Variants in BCAS3 observed in about 807,000 individuals in gnomAD.
The protein encoded by BCAS3 is BCAS3 microtubule associated cell migration factor.
BCAS3 carries 53 observed loss-of-function variants against 116.1 expected under a neutral mutation model. That is an observed-to-expected ratio of 0.46 (90% CI 0.37 to 0.57). The LOEUF (loss-of-function observed/expected upper bound fraction) is 0.57, where lower values mean the gene tolerates loss of function less well. Ranked by LOEUF, BCAS3 falls within the 20% of genes least tolerant of loss-of-function variation. The pLI is 0.00. For synonymous variants in BCAS3, 391 were observed against 408.2 expected (o/e 0.96, Z 0.51); for missense variants, 917 against 1,165.4 (o/e 0.79, Z 3.10).
At position 60,684,166 on chromosome 17, in the gene BCAS3, G is replaced by A. The variant is rs186468998; in HGVS notation, c.138+130G>A. The A allele has an allele frequency of 7.4e-5, 57 of 766,472 alleles. 1 individual carries two copies. The East Asian group carries it at 9.2e-4, about 12-fold the overall frequency. The allele number at this position is 766,472 out of a possible 1,614,324, so 47.5% of individuals were successfully genotyped here. On this transcript the variant is annotated intron_variant, in intron 3 of 23. Transcript: ENST00000407086. ...TGATGTTTTAGCATCCTGAGCATTC[G>A]TAGGGTGGGACTACATTATTGTTTA...
At chr17:61,170,464 T>G (rs539009835) in intron 22 of BCAS3, among the ~76,000 whole-genome samples, 98 of 151,874 alleles carry the variant, frequency 6.5e-4, no homozygotes, top group Middle Eastern at 3.4e-3. Flanking sequence ...GGCTAATTTT[T>G]TGTAGTTTTA....
chr17:60,936,745 G>A (rs1277007981), intron 13 of BCAS3, among the ~76,000 whole-genome samples: 1 of 152,146 alleles, frequency 6.6e-6, no homozygotes, highest in South Asian at 2.1e-4. Context: ...GTTTATTGTA[G>A]ATTCTCGATA....
intron 22 of BCAS3, among the ~76,000 whole-genome samples, chr17:61,176,138 C>CAAAAAAAAA (rs534042215): frequency 4.0e-5 from 2 of 50,026 alleles, no homozygotes; most frequent in African/African-American, 6.6e-5. Flanking sequence ...GACCCTATCT[C>CAAAAAAAAA]AAAAAAAAAA....
At chr17:60,977,981 T>C (rs1243969935) in intron 14 of BCAS3, among the ~76,000 whole-genome samples, 10 of 142,808 alleles carry the variant, frequency 7.0e-5, no homozygotes, top group African/African-American at 3.1e-4. Context: ...TGTGTCTTTA[T>C]AGCAGCATGA....
At position 61,128,382 on chromosome 17, in the gene BCAS3, G is replaced by T; in HGVS notation, c.2425+43818G>T. 1 of 985,396 alleles carries T rather than the reference G, an allele frequency of 1.0e-6. No individual in the cohort carries two copies. Among genetic ancestry groups the T allele is most frequent in the Non-Finnish European group, 1.2e-6 (1 of 829,908 alleles). 61.0% of individuals were successfully genotyped at this position (985,396 alleles called of 1,614,324 possible). On this transcript the variant is annotated intron_variant, in intron 22 of 23. Coordinates refer to ENST00000407086, the MANE Select transcript of BCAS3 (RefSeq NM_017679.5). This position sits in a 1 kb window ranked among gnomAD's most constrained non-coding sequence, Gnocchi z 4.1. ...GTTTGATGTACAGGCTTATTTAAGT[G>T]AAAGGTGGGACACCAGTAGATATAC...
rs2080778449 is a variant in BCAS3, at chr17:61,200,925, C to G, written c.2425+116361C>G. On this transcript the variant is annotated intron_variant, in intron 22 of 23. Coordinates refer to ENST00000407086, the MANE Select transcript of BCAS3 (RefSeq NM_017679.5). The surrounding 1 kb of genome is among the most constrained non-coding windows in gnomAD (Gnocchi z 5.1). ...TAGGATTTTAAAGCCAAGTTAGCAG[C>G]CCTGAGTCAGGACAGGTGTTTATTT... Among the ~76,000 whole-genome samples, 1 of 152,050 alleles carries G rather than the reference C, an allele frequency of 6.6e-6. No individual in the cohort carries two copies. Among genetic ancestry groups the G allele is most frequent in the Admixed American group, 6.6e-5 (1 of 15,264 alleles).
At chr17:60,809,291 AGAGT>A (rs2048576583) in intron 7 of BCAS3, among the ~76,000 whole-genome samples, 1 of 147,244 alleles carries the variant, frequency 6.8e-6, no homozygotes, top group African/African-American at 2.7e-5. Context: ...AAAAAAAGAG[AGAGT>A]TTGTGACTTA....
At chr17:61,236,167 G>A (rs2083042560) in intron 22 of BCAS3, among the ~76,000 whole-genome samples, 1 of 152,180 alleles carries the variant, frequency 6.6e-6, no homozygotes, top group East Asian at 1.9e-4. Flanking sequence ...TCATACGTCA[G>A]AATCCTGGCA....
chr17:60,869,901 A>C (rs1185488755), intron 8 of BCAS3, among the ~76,000 whole-genome samples: 2 of 152,364 alleles, frequency 1.3e-5, no homozygotes, highest in Non-Finnish European at 2.9e-5. Context: ...CTTGTATTTC[A>C]ATTACATAAA....
At position 61,095,098 on chromosome 17, in the gene BCAS3, T is replaced by C. The variant is rs1230469604; in HGVS notation, c.2425+10534T>C. 6.6e-6 allele frequency among the ~76,000 whole-genome samples: 1 copy of C among 152,182 alleles called. No homozygotes were observed. Among genetic ancestry groups the C allele is most frequent in the Non-Finnish European group, 1.5e-5 (1 of 68,042 alleles). Reference sequence around the variant, plus strand: ...CACATTGCAACTAATTTGTTAAGGATCATATCAAGGAAGAATATCCCCAGA... The same window carrying C: ...CACATTGCAACTAATTTGTTAAGGACCATATCAAGGAAGAATATCCCCAGA... On this transcript the variant is annotated intron_variant, in intron 22 of 23. Transcript: ENST00000407086. This position sits in a 1 kb window ranked among gnomAD's most constrained non-coding sequence, Gnocchi z 4.7.
intron 22 of BCAS3, among the ~76,000 whole-genome samples, chr17:61,328,164 A>G (rs1408764759): frequency 6.6e-6 from 1 of 152,192 alleles, no homozygotes; most frequent in Non-Finnish European, 1.5e-5. Flanking sequence ...AGCTTTAAAA[A>G]AAAAACCTTA....
At chr17:60,866,152 A>T (rs557091573) in intron 7 of BCAS3, among the ~76,000 whole-genome samples, 104 of 147,550 alleles carry the variant, frequency 7.0e-4, no homozygotes, top group African/African-American at 2.5e-3. Context: ...TTTTTTTGAG[A>T]CAGAGTTTCA....
intron 14 of BCAS3, among the ~76,000 whole-genome samples, chr17:60,957,567 G>T (rs1036019509): frequency 1.3e-5 from 2 of 152,076 alleles, no homozygotes; most frequent in Non-Finnish European, 2.9e-5. Flanking sequence ...TTTTAGAAGT[G>T]CAATTCAGTG....
chr17:61,221,039 G>C (rs186449657), intron 22 of BCAS3, among the ~76,000 whole-genome samples: 1 of 152,328 alleles, frequency 6.6e-6, no homozygotes, highest in African/African-American at 2.4e-5. Context: ...GGCAGAGCTC[G>C]CAGTGAGCCG....
intron 23 of BCAS3, among the ~76,000 whole-genome samples, chr17:61,370,630 G>T (rs547025704): frequency 1.3e-5 from 2 of 152,136 alleles, no homozygotes; most frequent in Non-Finnish European, 2.9e-5. Flanking sequence ...CTCGTGATCC[G>T]CCTGCCTCGG....
intron 8 of BCAS3, among the ~76,000 whole-genome samples, chr17:60,870,273 C>T (rs191264911): frequency 3.1e-3 from 477 of 152,168 alleles, no homozygotes; most frequent in Non-Finnish European, 4.3e-3. Flanking sequence ...TTCGGGAGCC[C>T]TAGCAAGAGG....
Position 60,848,407 on chromosome 17 carries a change from A to G in BCAS3, c.477-20169A>G, listed in dbSNP as rs188015487. Among the ~76,000 whole-genome samples, 3 of 152,250 alleles carry G rather than the reference A, an allele frequency of 2.0e-5. No individual in the cohort carries two copies. The East Asian group carries it at 5.8e-4, about 29-fold the overall frequency. On this transcript the variant is annotated intron_variant, in intron 7 of 23. Transcript: ENST00000407086. Reference sequence around the variant, plus strand: ...TCTTCATTTGTCTTTTGGATTGTTCATTGCTAGATTTTGCGTGTTGATCCT... The same window carrying G: ...TCTTCATTTGTCTTTTGGATTGTTCGTTGCTAGATTTTGCGTGTTGATCCT...
At chr17:60,970,264 A>G (rs1007085920) in intron 14 of BCAS3, among the ~76,000 whole-genome samples, 3 of 152,192 alleles carry the variant, frequency 2.0e-5, no homozygotes, top group African/African-American at 4.8e-5. Context: ...TAAAAAATCA[A>G]TGCTTCAATG....
rs1359006503 is a variant in BCAS3, at chr17:61,381,751, C to T, written c.2594-10226C>T. On this transcript the variant is annotated intron_variant, in intron 23 of 23. Coordinates refer to ENST00000407086, the MANE Select transcript of BCAS3 (RefSeq NM_017679.5). The surrounding 1 kb of genome is among the most constrained non-coding windows in gnomAD (Gnocchi z 6.0). ...GCCTGTCCCCAGGGCCAGCATTCTT[C>T]AGCACGCAGATGCCATGTGTGCCTG... Among the ~76,000 whole-genome samples the T allele has an allele frequency of 6.6e-6, 1 of 152,212 alleles. No individual in the cohort carries two copies. Among genetic ancestry groups the T allele is most frequent in the Non-Finnish European group, 1.5e-5 (1 of 68,038 alleles).
Sources: allele counts gnomAD v4.1 joint callset (sites outside exome capture counted in the v4.1 genomes callset), GRCh38; gene constraint gnomAD v4.1.1; non-coding constraint Gnocchi (gnomAD v3.1); transcripts MANE v1.5; gene names NCBI Gene and HGNC (gene_info 2026-07-23, HGNC 2026-07-21).